PKIG: variants seen among roughly 807,000 people sequenced by gnomAD.
PKIG encodes the protein cAMP-dependent protein kinase inhibitor gamma.
PKIG carries 1 observed loss-of-function variant against 6.8 expected under a neutral mutation model. The observed-to-expected ratio is 0.15, with a 90% confidence interval of 0.05 to 0.69. The LOEUF is 0.69. Ranked by LOEUF, PKIG falls within the 30% of genes least tolerant of loss-of-function variation. The pLI is 0.82. For missense variants in PKIG, 77 were observed against 104.0 expected, an observed-to-expected ratio of 0.74 and a Z score of 1.13; for synonymous variants, 39 against 43.0, an observed-to-expected ratio of 0.91 and a Z score of 0.36.
At chr20:44,571,223 CAAAT>C (rs1324864695) in intron 1 of PKIG, among the ~76,000 whole-genome samples, 1 of 136,194 alleles carries the variant, frequency 7.3e-6, no homozygotes, top group Non-Finnish European at 1.6e-5. Flanking sequence ...TAGAGAGACT[CAAAT>C]AATAATAATA....
chr20:44,568,589 T>G (rs1342756700), intron 1 of PKIG, among the ~76,000 whole-genome samples: 1 of 152,114 alleles, frequency 6.6e-6, no homozygotes, highest in African/African-American at 2.4e-5. Flanking sequence ...TAGCTGAGAT[T>G]ACAGGCACCT....
intron 1 of PKIG, among the ~76,000 whole-genome samples, chr20:44,539,033 A>G (rs2064537007): frequency 6.6e-6 from 1 of 151,552 alleles, no homozygotes; most frequent in African/African-American, 2.4e-5. Flanking sequence ...GGTTCAAGCA[A>G]TTATCCTGCT....
chr20:44,561,196 A>G (rs1299236205), intron 1 of PKIG, among the ~76,000 whole-genome samples: 1 of 152,070 alleles, frequency 6.6e-6, no homozygotes, highest in East Asian at 1.9e-4. Flanking sequence ...AATTAGCTGG[A>G]TGTGGTGGCG....
At chr20:44,540,381 T>G (rs539983861) in intron 1 of PKIG, among the ~76,000 whole-genome samples, 1 of 152,340 alleles carries the variant, frequency 6.6e-6, no homozygotes, top group Non-Finnish European at 1.5e-5. Flanking sequence ...TTTATAAAAT[T>G]ATGCAATATA....
intron 1 of PKIG, among the ~76,000 whole-genome samples, chr20:44,547,849 A>C (rs1056947509): frequency 6.6e-6 from 1 of 152,102 alleles, no homozygotes; most frequent in South Asian, 2.1e-4. Context: ...AGCCTAACCA[A>C]CATGGTGTTG....
chr20:44,605,061 TACA>T (rs943381077), intron 2 of PKIG, among the ~76,000 whole-genome samples: 11 of 152,128 alleles, frequency 7.2e-5, no homozygotes, highest in Non-Finnish European at 1.6e-4. Context: ...GAAACCATCC[TACA>T]ACATGATACT....
At chr20:44,575,723 A>G (rs554160487) in intron 1 of PKIG, among the ~76,000 whole-genome samples, 1 of 152,266 alleles carries the variant, frequency 6.6e-6, no homozygotes, top group South Asian at 2.1e-4. Context: ...GATCAATCCT[A>G]GGCAGTTCAT....
At chr20:44,597,779 A>G (rs1306594881) in intron 2 of PKIG, among the ~76,000 whole-genome samples, 1 of 152,214 alleles carries the variant, frequency 6.6e-6, no homozygotes, top group Non-Finnish European at 1.5e-5. Context: ...AGAGAGTGGC[A>G]GTCTCCATCC....
At chr20:44,581,177 C>T (rs908274883), upstream of PKIG, among the ~76,000 whole-genome samples, 1 of 152,188 alleles carries the variant, frequency 6.6e-6, no homozygotes. Flanking sequence ...TGTCACCTAA[C>T]TTCTCTGTAT....
intron 1 of PKIG, among the ~76,000 whole-genome samples, chr20:44,539,594 T>C (rs2064542984): frequency 6.6e-6 from 1 of 151,906 alleles, no homozygotes; most frequent in African/African-American, 2.4e-5. Context: ...GATTTTTGTA[T>C]ATTTAGTAGT....
chr20:44,583,325 T>C (rs191655883), intron 1 of PKIG, among the ~76,000 whole-genome samples: 1 of 152,384 alleles, frequency 6.6e-6, no homozygotes, highest in African/African-American at 2.4e-5. Context: ...ATCTTTTTAT[T>C]GCTTCCTTTT....
intron 1 of PKIG, among the ~76,000 whole-genome samples, chr20:44,568,983 A>C (rs1353467671): frequency 6.6e-6 from 1 of 152,234 alleles, no homozygotes; most frequent in Non-Finnish European, 1.5e-5. Flanking sequence ...TCTTAGATGT[A>C]AGATGAGTGG....
At chr20:44,568,631 A>T (rs2123279129) in intron 1 of PKIG, among the ~76,000 whole-genome samples, 1 of 152,230 alleles carries the variant, frequency 6.6e-6, no homozygotes, top group African/African-American at 2.4e-5. Context: ...TTGTAATTTT[A>T]GTAGAGACGG....
At chr20:44,573,268 G>T (rs1296901825) in intron 1 of PKIG, among the ~76,000 whole-genome samples, 2 of 152,244 alleles carry the variant, frequency 1.3e-5, no homozygotes, top group African/African-American at 4.8e-5. Flanking sequence ...TGGAAAAAAT[G>T]TCTCCCCCTC....
Position 44,592,259 on chromosome 20 carries a change from A to G in PKIG, c.-24+2393A>G, listed in dbSNP as rs530077253. Among the ~76,000 whole-genome samples the G allele has an allele frequency of 1.1e-4, 16 of 152,226 alleles. No individual in the cohort carries two copies. In the South Asian group the frequency reaches 3.3e-3, roughly 32 times the overall value. ...AAGAAGGAGAAGGGCCGGAGTCTGGAGTTCGTGCTCTCTGACTTCTGTGGG... is the reference window on the plus strand; with the variant it reads ...AAGAAGGAGAAGGGCCGGAGTCTGGGGTTCGTGCTCTCTGACTTCTGTGGG... On this transcript the variant is annotated intron_variant, in intron 2 of 3. Transcript: ENST00000372886.
chr20:44,610,227 A>G (rs2065202352), intron 2 of PKIG, among the ~76,000 whole-genome samples: 1 of 152,062 alleles, frequency 6.6e-6, no homozygotes, highest in African/African-American at 2.4e-5. Flanking sequence ...TATTTTACAC[A>G]GGGGAAATGA....
At chr20:44,543,142 C>T (rs1015145475) in intron 1 of PKIG, among the ~76,000 whole-genome samples, 6 of 152,204 alleles carry the variant, frequency 3.9e-5, no homozygotes, top group African/African-American at 1.4e-4. Flanking sequence ...CCTTTCTAAG[C>T]TTCAGAGCTT....
intron 1 of PKIG, among the ~76,000 whole-genome samples, chr20:44,569,707 A>G (rs2064839022): frequency 6.6e-6 from 1 of 152,164 alleles, no homozygotes; most frequent in Non-Finnish European, 1.5e-5. Flanking sequence ...CCCGAGTTCA[A>G]GAGATTCTCC....
intron 1 of PKIG, among the ~76,000 whole-genome samples, chr20:44,542,398 C>G (rs140764670): frequency 6.6e-6 from 1 of 151,592 alleles, no homozygotes; most frequent in Non-Finnish European, 1.5e-5. Context: ...CTGCTAATCA[C>G]CAGAATGAAA....
Sources: allele counts gnomAD v4.1 joint callset (sites outside exome capture counted in the v4.1 genomes callset), GRCh38; gene constraint gnomAD v4.1.1; transcripts MANE v1.5; gene names NCBI Gene and HGNC (gene_info 2026-07-23, HGNC 2026-07-21).